Variants in KIAA1671 observed in about 807,000 individuals in gnomAD.
KIAA1671 encodes uncharacterized protein KIAA1671.
Under a neutral mutation model 131.2 loss-of-function variants are expected in KIAA1671, and 52 were observed. The ratio of observed to expected loss-of-function variants is 0.40; its 90% CI spans 0.32 to 0.50. The LOEUF (loss-of-function observed/expected upper bound fraction) is 0.50, where lower values mean the gene tolerates loss of function less well. Ranked by LOEUF, KIAA1671 falls within the 20% of genes least tolerant of loss-of-function variation. The pLI is 0.73. For synonymous variants in KIAA1671, 1,003 were observed against 961.6 expected (o/e 1.04, Z -0.80); for missense variants, 2,360 against 2,364.2 (o/e 1.00, Z 0.04).
intron 11 of KIAA1671, among the ~76,000 whole-genome samples, chr22:25,187,926 G>A (rs1235174807): frequency 6.6e-6 from 1 of 152,204 alleles, no homozygotes; most frequent in African/African-American, 2.4e-5. Context: ...TGGCTACTCA[G>A]ATGTATTCAC....
In KIAA1671 at chr22:25,093,860, C is replaced by CTG. The variant is rs1568951726; in HGVS notation, c.4530+44497_4530+44498insGT. 1.5e-4 allele frequency among the ~76,000 whole-genome samples: 20 copies of CTG among 129,580 alleles called. 1 individual carries two copies. Among genetic ancestry groups the CTG allele is most frequent in the African/African-American group, 6.6e-4 (20 of 30,082 alleles). 85.0% of individuals were successfully genotyped at this position (129,580 alleles called of 152,430 possible). A position where few individuals can be genotyped will look rare whatever the true frequency, so the allele number is the denominator to read the frequency against. On this transcript the variant is annotated intron_variant, in intron 6 of 12. Transcript: ENST00000358431. Reference sequence around the variant, plus strand: ...TCTGTCTCTCTCTCTCTCTCTCTCTCTCTCTCTCTCTCTCTCTCTCTCTCT... The same window carrying CTG: ...TCTGTCTCTCTCTCTCTCTCTCTCTCTGTCTCTCTCTCTCTCTCTCTCTCTCT...
chr22:25,161,807 C>T (rs1234921780), intron 6 of KIAA1671, among the ~76,000 whole-genome samples: 1 of 152,252 alleles, frequency 6.6e-6, no homozygotes, highest in Admixed American at 6.5e-5. Context: ...GGATGCACTT[C>T]GGGATGGCCT....
At chr22:24,958,956 G>A (rs1921866609) in intron 1 of KIAA1671, among the ~76,000 whole-genome samples, 1 of 130,416 alleles carries the variant, frequency 7.7e-6, no homozygotes, top group East Asian at 2.2e-4. Context: ...ACTCCAGCCT[G>A]AACGATAGAA....
Position 25,027,938 on chromosome 22 carries a change from T to C in KIAA1671, c.-55-7T>C, listed in dbSNP as rs1926040168. Reference sequence around the variant, plus strand: ...AATTTACTTGTTTGTTTGTTTTGTTTGTTTAGCAATTGCTTCTCCATTCTT... The same window carrying C: ...AATTTACTTGTTTGTTTGTTTTGTTCGTTTAGCAATTGCTTCTCCATTCTT... On this transcript the variant is annotated splice_region_variant and splice_polypyrimidine_tract_variant and intron_variant, in intron 2 of 12. Coordinates refer to ENST00000358431, the MANE Select transcript of KIAA1671 (RefSeq NM_001145206.2). 5 of 1,244,718 alleles carry C rather than the reference T, an allele frequency of 4.0e-6. No homozygotes were observed. In the South Asian group the frequency reaches 6.4e-5, roughly 16 times the overall value. 77.1% of individuals were successfully genotyped at this position (1,244,718 alleles called of 1,614,324 possible). A position where few individuals can be genotyped will look rare whatever the true frequency, so the allele number is the denominator to read the frequency against.
chr22:25,119,612 G>T (rs899975069), intron 6 of KIAA1671, among the ~76,000 whole-genome samples: 1 of 152,220 alleles, frequency 6.6e-6, no homozygotes, highest in Non-Finnish European at 1.5e-5. Flanking sequence ...CTCAGATAAT[G>T]GTGAGGGCTC....
At chr22:25,185,224 C>T in intron 11 of KIAA1671, 105 bp downstream of exon 11, 1 of 1,218,142 alleles carries the variant, frequency 8.2e-7, no homozygotes, top group Non-Finnish European at 1.1e-6. Context: ...AGAGTTACAA[C>T]TTTTTAATTT....
At chr22:25,026,153 C>T (rs912676623) in intron 2 of KIAA1671, among the ~76,000 whole-genome samples, 6 of 152,118 alleles carry the variant, frequency 3.9e-5, no homozygotes, top group South Asian at 2.1e-4. Context: ...CACCATCGAG[C>T]GTGTAAGGAA....
intron 5 of KIAA1671, among the ~76,000 whole-genome samples, chr22:25,043,320 C>T (rs2145811050): frequency 6.6e-6 from 1 of 152,232 alleles, no homozygotes; most frequent in African/African-American, 2.4e-5. Flanking sequence ...TGGCATATAC[C>T]TGAGTGTTGG....
chr22:24,960,242 A>T (rs1290155201), intron 1 of KIAA1671, among the ~76,000 whole-genome samples: 6 of 151,748 alleles, frequency 4.0e-5, no homozygotes, highest in African/African-American at 9.7e-5. Context: ...GTGTTGATTT[A>T]CCTCATTATT....
At position 25,004,955 on chromosome 22, in the gene KIAA1671, A is replaced by C. The variant is rs1924667615; in HGVS notation, c.-207-20678A>C. ...AGTGAGATTCTGTCTCAAAAAGAAA[A>C]AAAAAAGTGTAGAAGATTTGATTGT... On this transcript the variant is annotated intron_variant, in intron 1 of 12. Coordinates refer to ENST00000358431, the MANE Select transcript of KIAA1671 (RefSeq NM_001145206.2). Among the ~76,000 whole-genome samples the C allele has an allele frequency of 2.6e-5, 4 of 151,480 alleles. No individual in the cohort carries two copies. In the South Asian group the frequency reaches 8.4e-4, roughly 32 times the overall value.
intron 1 of KIAA1671, among the ~76,000 whole-genome samples, chr22:25,022,217 C>T (rs1925712370): frequency 6.6e-6 from 1 of 152,174 alleles, no homozygotes; most frequent in South Asian, 2.1e-4. Flanking sequence ...AGGTGGCAGC[C>T]AGAGACGACT....
At chr22:25,142,977 G>A (rs1171695772) in intron 6 of KIAA1671, among the ~76,000 whole-genome samples, 2 of 152,254 alleles carry the variant, frequency 1.3e-5, no homozygotes, top group Non-Finnish European at 2.9e-5. Flanking sequence ...CTGCGCTTCC[G>A]TTCTCAAACT....
At chr22:25,057,589 G>C (rs1927921229) in intron 6 of KIAA1671, 1 of 151,942 alleles carries the variant, frequency 6.6e-6, no homozygotes, top group Admixed American at 6.6e-5. Flanking sequence ...TCACAGATCA[G>C]GAAAACGGAG....
At chr22:25,080,020 A>C (rs1929322719) in intron 6 of KIAA1671, among the ~76,000 whole-genome samples, 1 of 152,164 alleles carries the variant, frequency 6.6e-6, no homozygotes, top group Admixed American at 6.6e-5. Flanking sequence ...GGATGTGCTC[A>C]TGGATTGGAC....
At chr22:24,970,600 C>T (rs549701122) in intron 1 of KIAA1671, among the ~76,000 whole-genome samples, 7 of 152,042 alleles carry the variant, frequency 4.6e-5, no homozygotes, top group South Asian at 4.2e-4. Context: ...AGTGCCTCTT[C>T]CTCCTTCTCA....
intron 6 of KIAA1671, among the ~76,000 whole-genome samples, chr22:25,086,332 G>T (rs148403171): frequency 1.3e-5 from 2 of 152,346 alleles, no homozygotes; most frequent in Non-Finnish European, 2.9e-5. Flanking sequence ...AGTGGTTCTT[G>T]TGGGTAGGGA....
At chr22:25,136,990 G>A (rs1336117930) in intron 6 of KIAA1671, among the ~76,000 whole-genome samples, 6 of 152,192 alleles carry the variant, frequency 3.9e-5, no homozygotes, top group Non-Finnish European at 5.9e-5. Context: ...CACTCTAGAT[G>A]CAAATACCTT....
chr22:25,018,439 T>C (rs1925463294), intron 1 of KIAA1671, among the ~76,000 whole-genome samples: 1 of 152,180 alleles, frequency 6.6e-6, no homozygotes, highest in Non-Finnish European at 1.5e-5. Flanking sequence ...ATTTTAACCA[T>C]CTTTAAGTAT....
At chr22:25,113,938 T>C (rs1224509695) in intron 6 of KIAA1671, among the ~76,000 whole-genome samples, 1 of 152,090 alleles carries the variant, frequency 6.6e-6, no homozygotes, top group African/African-American at 2.4e-5. Flanking sequence ...TCTCTCAGGG[T>C]ATGGGGTTGG....
Sources: gnomAD v4.1 joint callset for allele counts (sites outside exome capture counted in the v4.1 genomes callset) on GRCh38, gnomAD v4.1.1 for gene constraint, MANE v1.5 for transcripts, NCBI Gene and HGNC (gene_info 2026-07-23, HGNC 2026-07-21) for gene names.